The following NRXN1 variants were observed in gnomAD, a reference collection of about 807,000 sequenced individuals.
NRXN1 encodes the protein neurexin-1.
A neutral mutation model predicts 150.9 loss-of-function variants in NRXN1; 39 were observed. The observed-to-expected ratio is 0.26, with a 90% CI of 0.20 to 0.34. NRXN1 has a LOEUF of 0.34. Among genes scored for constraint, NRXN1 ranks in the 10% least tolerant of loss-of-function variants. NRXN1 has a pLI of 1.00. For synonymous variants in NRXN1, 924 were observed against 757.0 expected (o/e 1.22, Z -3.62); for missense variants, 1,815 against 1,949.9 (o/e 0.93, Z 1.30).
At chr2:50,084,429 A>G (rs1320146996) in intron 19 of NRXN1, among the ~76,000 whole-genome samples, 4 of 151,746 alleles carry the variant, frequency 2.6e-5, no homozygotes, top group East Asian at 1.9e-4. Context: ...GACCCTGCGC[A>G]CTCTCTGCAT....
chr2:50,284,820 A>C (rs2152936747), intron 17 of NRXN1, among the ~76,000 whole-genome samples: 1 of 152,274 alleles, frequency 6.6e-6, no homozygotes, highest in South Asian at 2.1e-4. Flanking sequence ...ATTCAGTAAC[A>C]CCTTGCTTAA....
rs1393625069 is a variant in NRXN1 at position 50,985,729 on chromosome 2, C to T, written c.772+41773G>A. On this transcript the variant is annotated intron_variant, in intron 2 of 22. Transcript: ENST00000401669. Reference sequence around the variant, plus strand: ...GAGAATTGAGATATGGGAGGCTGTGCTAAGCAAGAAATACAGTTCAAAGGC... The same window carrying T: ...GAGAATTGAGATATGGGAGGCTGTGTTAAGCAAGAAATACAGTTCAAAGGC... Among the ~76,000 whole-genome samples the T allele has an allele frequency of 2.6e-5, 4 of 151,410 alleles. No homozygotes were observed. The East Asian group carries it at 5.9e-4, about 22-fold the overall frequency.
intron 5 of NRXN1, among the ~76,000 whole-genome samples, chr2:50,769,055 C>T (rs545558593): frequency 3.4e-4 from 51 of 152,176 alleles, no homozygotes; most frequent in Admixed American, 7.9e-4. Flanking sequence ...CTCATTTTTA[C>T]CTATCAACAG....
At chr2:50,730,674 T>TTTC (rs1554022984) in intron 5 of NRXN1, among the ~76,000 whole-genome samples, 1 of 142,904 alleles carries the variant, frequency 7.0e-6, no homozygotes, top group Non-Finnish European at 1.5e-5. Context: ...CTTGTTTTCT[T>TTTC]TTTTTTTTTT....
At chr2:50,219,219 T>C (rs911261791) in intron 18 of NRXN1, among the ~76,000 whole-genome samples, 1 of 152,066 alleles carries the variant, frequency 6.6e-6, no homozygotes, top group South Asian at 2.1e-4. Context: ...TAGAATTCTA[T>C]GAAGATGATA....
intron 21 of NRXN1, among the ~76,000 whole-genome samples, chr2:50,006,337 C>T (rs1684764279): frequency 6.6e-6 from 1 of 152,206 alleles, no homozygotes; most frequent in Non-Finnish European, 1.5e-5. Flanking sequence ...TTGTAGTCAG[C>T]TGGTGAAGTC....
intron 5 of NRXN1, among the ~76,000 whole-genome samples, chr2:50,891,846 C>T (rs7569722): frequency 0.13 from 19,399 of 151,922 alleles, 1,414 homozygotes; most frequent in East Asian, 0.23. Context: ...AACATATTCA[C>T]TTGTTTCTTC....
intron 8 of NRXN1, among the ~76,000 whole-genome samples, chr2:50,589,763 G>T (rs1170864606): frequency 4.1e-5 from 6 of 148,136 alleles, no homozygotes; most frequent in African/African-American, 1.5e-4. Context: ...CCAAAAGACT[G>T]TGTCTTGCCC....
At chr2:50,286,415 C>T (rs2072179807) in intron 17 of NRXN1, among the ~76,000 whole-genome samples, 1 of 152,112 alleles carries the variant, frequency 6.6e-6, no homozygotes, top group Admixed American at 6.6e-5. Flanking sequence ...TATTTCAATT[C>T]ACATAATGTC....
intron 5 of NRXN1, chr2:50,898,631 A>G (rs1367249209): frequency 4.3e-6 from 2 of 464,718 alleles, no homozygotes; most frequent in Non-Finnish European, 4.3e-6. Context: ...TTATCATTCA[A>G]TTGTTCTACA....
chr2:50,623,972 C>T (rs1009862550), intron 5 of NRXN1, among the ~76,000 whole-genome samples: 2 of 151,988 alleles, frequency 1.3e-5, no homozygotes, highest in African/African-American at 4.8e-5. Flanking sequence ...GTGTGATGTT[C>T]CCCTTCCTGT....
intron 2 of NRXN1, among the ~76,000 whole-genome samples, chr2:51,014,176 A>G (rs1668315564): frequency 6.6e-6 from 1 of 152,066 alleles, no homozygotes; most frequent in South Asian, 2.1e-4. Flanking sequence ...GACCAGGATG[A>G]CTGTAACACA....
chr2:51,012,496 G>A (rs540588673), intron 2 of NRXN1, among the ~76,000 whole-genome samples: 13 of 152,138 alleles, frequency 8.5e-5, no homozygotes, highest in African/African-American at 3.1e-4. Flanking sequence ...GCACACATGT[G>A]TACCTTATTA....
At chr2:50,369,730 G>T (rs2079872664) in intron 17 of NRXN1, among the ~76,000 whole-genome samples, 1 of 151,988 alleles carries the variant, frequency 6.6e-6, no homozygotes, top group Admixed American at 6.6e-5. Context: ...CTGACCTACA[G>T]CTCCAGGAAG....
chr2:50,776,037 G>A (rs553669130), intron 5 of NRXN1, among the ~76,000 whole-genome samples: 2 of 152,042 alleles, frequency 1.3e-5, no homozygotes, highest in Non-Finnish European at 2.9e-5. Context: ...TGGACCCAAA[G>A]CATAATGGGC....
At chr2:50,506,933 C>G in intron 12 of NRXN1, 1 of 252,706 alleles carries the variant, frequency 4.0e-6, no homozygotes, top group Non-Finnish European at 7.7e-6. Flanking sequence ...CATAAATAGG[C>G]ACAGTCAATA....
intron 17 of NRXN1, among the ~76,000 whole-genome samples, chr2:50,368,180 C>A (rs946371723): frequency 1.3e-5 from 2 of 151,866 alleles, no homozygotes; most frequent in Admixed American, 1.3e-4. Context: ...TCAAAATTTA[C>A]CTAGGAAGAT....
At chr2:50,776,719 T>C (rs1366825882) in intron 5 of NRXN1, among the ~76,000 whole-genome samples, 1 of 151,656 alleles carries the variant, frequency 6.6e-6, no homozygotes, top group Admixed American at 6.6e-5. Flanking sequence ...TTTAGATTAG[T>C]ATGAAAATTC....
intron 5 of NRXN1, among the ~76,000 whole-genome samples, chr2:50,736,568 A>G (rs1366426925): frequency 1.3e-5 from 2 of 152,084 alleles, no homozygotes; most frequent in Non-Finnish European, 2.9e-5. Flanking sequence ...GGCGGTTTCC[A>G]CCATGGAAAC....
Sources: gnomAD v4.1 joint callset for allele counts (sites outside exome capture counted in the v4.1 genomes callset) on GRCh38, gnomAD v4.1.1 for gene constraint, MANE v1.5 for transcripts, NCBI Gene and HGNC (gene_info 2026-07-23, HGNC 2026-07-21) for gene names.